ZNF385D: variants seen among roughly 807,000 people sequenced by gnomAD.
ZNF385D encodes zinc finger protein 659.
ZNF385D carries 15 observed loss-of-function variants against 35.8 expected under a neutral mutation model. The ratio of observed to expected loss-of-function variants is 0.42; its 90% confidence interval spans 0.28 to 0.64. The LOEUF is 0.64. Among genes scored for constraint, ZNF385D ranks in the 30% least tolerant of loss-of-function variants. ZNF385D has a pLI of 0.23. For missense variants in ZNF385D, 474 were observed against 494.6 expected (o/e 0.96, Z 0.39); for synonymous variants, 212 against 186.8 (o/e 1.13, Z -1.10).
At chr3:21,426,994 A>G (rs1319164236) in intron 5 of ZNF385D, among the ~76,000 whole-genome samples, 1 of 152,182 alleles carries the variant, frequency 6.6e-6, no homozygotes, top group Non-Finnish European at 1.5e-5. Context: ...CACATTAGAG[A>G]AAGGAAAAAG....
intron 3 of ZNF385D, among the ~76,000 whole-genome samples, chr3:22,038,704 G>A (rs11924399): frequency 0.11 from 16,223 of 151,820 alleles, 1,056 homozygotes; most frequent in African/African-American, 0.18. Flanking sequence ...AGTTAAATAT[G>A]TTAGCATCAA....
intron 3 of ZNF385D, among the ~76,000 whole-genome samples, chr3:21,982,153 T>C (rs764233566): frequency 8.6e-5 from 13 of 151,330 alleles, no homozygotes; most frequent in Non-Finnish European, 1.5e-4. Flanking sequence ...AATTTGTAAA[T>C]TGCTGTGGGC....
At chr3:21,837,355 T>G (rs1695394068) in intron 3 of ZNF385D, among the ~76,000 whole-genome samples, 1 of 152,064 alleles carries the variant, frequency 6.6e-6, no homozygotes, top group South Asian at 2.1e-4. Context: ...ATCTGGCCTG[T>G]GTTTTCTCAT....
intron 3 of ZNF385D, among the ~76,000 whole-genome samples, chr3:22,136,096 A>T (rs1239283531): frequency 6.6e-6 from 1 of 152,192 alleles, no homozygotes; most frequent in Non-Finnish European, 1.5e-5. Flanking sequence ...GATAATCCGT[A>T]TAAGAGGCCA....
At chr3:22,188,118 G>A (rs979618961) in intron 2 of ZNF385D, among the ~76,000 whole-genome samples, 3 of 152,146 alleles carry the variant, frequency 2.0e-5, no homozygotes, top group African/African-American at 4.8e-5. Context: ...GCCTTAAGAG[G>A]CAGAAACCTA....
At chr3:21,491,705 G>T (rs946491471) in intron 4 of ZNF385D, among the ~76,000 whole-genome samples, 2 of 152,110 alleles carry the variant, frequency 1.3e-5, no homozygotes, top group Non-Finnish European at 2.9e-5. Context: ...TGTTGCCAAT[G>T]GTTGCTTTCA....
intron 3 of ZNF385D, among the ~76,000 whole-genome samples, chr3:21,980,324 T>A (rs1043940741): frequency 6.6e-6 from 1 of 152,182 alleles, no homozygotes; most frequent in African/African-American, 2.4e-5. Flanking sequence ...TAAGTCGCTT[T>A]TGAATTCCTG....
chr3:22,092,335 A>C (rs142777892), intron 3 of ZNF385D, among the ~76,000 whole-genome samples: 76 of 152,266 alleles, frequency 5.0e-4, no homozygotes, highest in African/African-American at 1.8e-3. Context: ...TGGCTCCTAC[A>C]ACACAGCTTG....
At chr3:21,737,810 C>A (rs1050012225) in intron 1 of ZNF385D, among the ~76,000 whole-genome samples, 2 of 152,052 alleles carry the variant, frequency 1.3e-5, no homozygotes, top group Non-Finnish European at 2.9e-5. Context: ...GCCTGATGTG[C>A]CCAGGAAGAA....
intron 1 of ZNF385D, among the ~76,000 whole-genome samples, chr3:21,669,794 AT>A (rs2066507468): frequency 6.6e-6 from 1 of 152,192 alleles, no homozygotes; most frequent in South Asian, 2.1e-4. Flanking sequence ...AATCAAGATA[AT>A]TTTAAAGCTA....
At chr3:22,070,144 A>G (rs1700157768) in intron 3 of ZNF385D, among the ~76,000 whole-genome samples, 1 of 152,192 alleles carries the variant, frequency 6.6e-6, no homozygotes, top group South Asian at 2.1e-4. Context: ...TTAGAACTTT[A>G]AAGATAAGCA....
At chr3:22,208,301 C>T (rs1051112943) in intron 2 of ZNF385D, among the ~76,000 whole-genome samples, 1 of 151,740 alleles carries the variant, frequency 6.6e-6, no homozygotes. Flanking sequence ...ATGGATGGAA[C>T]TGGAGGTCTT....
intron 4 of ZNF385D, among the ~76,000 whole-genome samples, chr3:21,461,797 T>A (rs1703195913): frequency 6.6e-6 from 1 of 152,222 alleles, no homozygotes. Context: ...AGGATATGGA[T>A]GGTCTCTTGA....
chr3:21,947,698 A>C (rs1701861687), intron 3 of ZNF385D, among the ~76,000 whole-genome samples: 1 of 151,986 alleles, frequency 6.6e-6, no homozygotes, highest in Admixed American at 6.6e-5. Flanking sequence ...TTTGCGTGTA[A>C]TATCTCTATA....
At chr3:22,061,571 C>T (rs970717132) in intron 3 of ZNF385D, among the ~76,000 whole-genome samples, 1 of 152,172 alleles carries the variant, frequency 6.6e-6, no homozygotes, top group African/African-American at 2.4e-5. Flanking sequence ...CCTATGGTCT[C>T]CAAGACTCAG....
intron 2 of ZNF385D, among the ~76,000 whole-genome samples, chr3:22,314,172 T>C (rs1484360231): frequency 6.6e-6 from 1 of 152,178 alleles, no homozygotes; most frequent in Non-Finnish European, 1.5e-5. Flanking sequence ...GTTGGTTATA[T>C]GAGTAAGTTC....
intron 2 of ZNF385D, among the ~76,000 whole-genome samples, chr3:22,332,593 A>C (rs1314718067): frequency 2.0e-5 from 3 of 152,156 alleles, no homozygotes; most frequent in Admixed American, 2.0e-4. Flanking sequence ...AGGAAACAAA[A>C]AATTCAGTAA....
intron 2 of ZNF385D, among the ~76,000 whole-genome samples, chr3:21,608,844 C>T (rs910403829): frequency 9.2e-5 from 14 of 152,120 alleles, no homozygotes; most frequent in Admixed American, 2.6e-4. Flanking sequence ...TTGTGTTGTT[C>T]TTCCTTTATC....
intron 3 of ZNF385D, among the ~76,000 whole-genome samples, chr3:21,900,691 C>G (rs1699361749): frequency 6.6e-6 from 1 of 152,094 alleles, no homozygotes; most frequent in Non-Finnish European, 1.5e-5. Flanking sequence ...GTGGTATTAG[C>G]TTGTTGTCAA....
Sources: allele counts gnomAD v4.1 joint callset (sites outside exome capture counted in the v4.1 genomes callset), GRCh38; gene constraint gnomAD v4.1.1; transcripts MANE v1.5; gene names NCBI Gene and HGNC (gene_info 2026-07-23, HGNC 2026-07-21).